The following TTN variants were observed in gnomAD, a reference collection of about 807,000 sequenced individuals.
TTN encodes the protein titin, also known as connectin.
Under a neutral mutation model 3,223.0 loss-of-function variants are expected in TTN, and 1,525 were observed. That is an observed-to-expected ratio of 0.47 (90% CI 0.45 to 0.49). The LOEUF is 0.49. TTN is among the 20% of genes least tolerant of loss of function. TTN has a pLI of 0.00. For missense variants in TTN, 40,786 were observed against 43,424.0 expected, an observed-to-expected ratio of 0.94 and a Z score of 5.40; for synonymous variants, 14,094 against 15,161.0, an observed-to-expected ratio of 0.93 and a Z score of 5.17.
At chr2:178,781,030 G>A (rs2154348844) in intron 21 of TTN, 91 bp downstream of exon 21, 1 of 1,561,874 alleles carries the variant, frequency 6.4e-7, no homozygotes, top group Non-Finnish European at 8.8e-7. Flanking sequence ...GAACCAGTAA[G>A]TGGCAACAGG....
In TTN at chr2:178,666,920, T is replaced by C. The variant is rs2066044859; in HGVS notation, c.35798-19A>G. On this transcript the variant is annotated intron_variant, in intron 162 of 362. Coordinates refer to ENST00000589042, the MANE Select transcript of TTN (RefSeq NM_001267550.2). ...TCAAACTCTTTAAAGATATTAGTAT[T>C]TTTTTTAATTGAGAAAAGGCAAAGG... The C allele has an allele frequency of 1.3e-6, 2 of 1,507,684 alleles. No individual in the cohort carries two copies. Among genetic ancestry groups the C allele is most frequent in the Middle Eastern group, 1.8e-4 (1 of 5,546 alleles). 93.4% of individuals were successfully genotyped at this position (1,507,684 alleles called of 1,614,324 possible).
rs758807133 is a variant in TTN at position 178,559,724 on chromosome 2, G to A, written c.86408C>T (p.Thr28803Ile). 7.5e-6 allele frequency: 12 copies of A among 1,601,028 alleles called. No homozygotes were observed. Among genetic ancestry groups the A allele is most frequent in the Admixed American group, 1.7e-5 (1 of 59,254 alleles). Reference protein sequence around the residue: ...TDLRTRAYVDTTDSRTSLTIE... With the variant: ...TDLRTRAYVDITDSRTSLTIE... Reference sequence around the variant, plus strand: ...GGTCAGTGATGTACGAGAGTCTGTGGTATCAACATAAGCTCTAGTACGGAG... The same window carrying A: ...GGTCAGTGATGTACGAGAGTCTGTGATATCAACATAAGCTCTAGTACGGAG... The change falls in exon 326 of 363, where the codon ACC becomes ATC. Residue 28803 changes from threonine to isoleucine, a missense_variant. By Grantham distance (89) the Thr-to-Ile change is moderately conservative (BLOSUM62 -1). Coordinates refer to ENST00000589042, the MANE Select transcript of TTN (RefSeq NM_001267550.2).
At chr2:178,604,375 T>C in intron 281 of TTN, 70 bp from the exon 282 acceptor site, 1 of 1,265,768 alleles carries the variant, frequency 7.9e-7, no homozygotes, top group Non-Finnish European at 1.0e-6. Context: ...ATTTAAAAAT[T>C]CAACTTATTT....
Position 178,790,714 on chromosome 2 carries a change from A to G in TTN, c.1794T>C (p.Tyr598=), listed in dbSNP as rs1246963613. 1.2e-6 allele frequency: 2 copies of G among 1,614,168 alleles called. No homozygotes were observed. The highest frequency in any genetic ancestry group is 1.7e-6 in the Non-Finnish European group (2 of 1,179,992). Residue 598 remains tyrosine (Y), a synonymous_variant, in exon 11 of 363, where the codon TAT becomes TAC. Transcript: ENST00000589042. ...ATTGGCAGGAAGTCATCACCTTTTC[A>G]TAACTTAGGTGCATTTGATCTTGTT... ...TTQQDQMHLS[Y]EKIMKETRKT...
At position 178,739,375 on chromosome 2, in the gene TTN, C is replaced by G. The variant is rs905994651; in HGVS notation, c.13858G>C (p.Gly4620Arg). ...TPLVDTVSEE[G>R]DIVHLTTSIT... Reference sequence around the variant, plus strand: ...GATGTTGTGAGGTGTACAATATCACCTTCCTCAGAAACAGTGTCCACTAAA... The same window carrying G: ...GATGTTGTGAGGTGTACAATATCACGTTCCTCAGAAACAGTGTCCACTAAA... Residue 4620 changes from glycine (G) to arginine (R), a missense_variant, in exon 48 of 363, where the codon GGT (glycine) becomes CGT (arginine). By Grantham distance (125) the Gly-to-Arg change is moderately radical. Coordinates refer to ENST00000589042, the MANE Select transcript of TTN (RefSeq NM_001267550.2). 1 of 1,613,744 alleles carries G rather than the reference C, an allele frequency of 6.2e-7. No individual in the cohort carries two copies. Among genetic ancestry groups the G allele is most frequent in the African/African-American group, 1.3e-5 (1 of 74,918 alleles).
chr2:178,633,774 T>C (rs1371984288), intron 231 of TTN, 43 bp downstream of exon 231: 1 of 1,608,112 alleles, frequency 6.2e-7, no homozygotes, highest in Admixed American at 1.7e-5. Flanking sequence ...CCCACTCCCA[T>C]GATTCAGAAA....
In TTN at chr2:178,563,065, T is replaced by G; in HGVS notation, c.83067A>C (p.Ala27689=). 6.2e-7 allele frequency: 1 copy of G among 1,613,672 alleles called. No homozygotes were observed. Among genetic ancestry groups the G allele is most frequent in the South Asian group, 1.1e-5 (1 of 91,082 alleles). The change falls in exon 326 of 363, where the codon GCA becomes GCC. Residue 27689 remains alanine (A), a synonymous_variant. Transcript: ENST00000589042. This position sits in a 1 kb window ranked among gnomAD's most constrained non-coding sequence, Gnocchi z 4.5. Reference sequence around the variant, plus strand: ...TGACAAATAAGCGTAAAGTAGCACTTGCACGCAGAACGACCACCTTTCTGA... The same window carrying G: ...TGACAAATAAGCGTAAAGTAGCACTGGCACGCAGAACGACCACCTTTCTGA... ...ADLRKVVVLR[A]SATLRLFVTI...
rs1393193180 is a variant in TTN at position 178,775,937 on chromosome 2, A to G, written c.5927T>C (p.Val1976Ala). The stretch of plus-strand genomic sequence containing the variant: ...TCTTTCAGCCCTTTTCAACTTCACA[A>G]CTTCTTTGGTTTCAGTGGTGTCAAC... ...RPVDTTETKE[V>A]VKLKRAERIT... The change falls in exon 28 of 363, where the codon GTT (valine) becomes GCT (alanine). Residue 1976 changes from valine (V) to alanine (A), a missense_variant. By Grantham distance (64) the Val-to-Ala change is moderately conservative. Coordinates refer to ENST00000589042, the MANE Select transcript of TTN (RefSeq NM_001267550.2). 7.4e-6 allele frequency: 12 copies of G among 1,613,808 alleles called. No homozygotes were observed. Among genetic ancestry groups the G allele is most frequent in the Non-Finnish European group, 1.0e-5 (12 of 1,179,982 alleles).
In TTN at chr2:178,603,953, C is replaced by T; in HGVS notation, c.54734G>A (p.Arg18245Lys). The change falls in exon 282 of 363, where the codon AGA (arginine) becomes AAA (lysine). Residue 18245 changes from arginine to lysine, a missense_variant. Transcript: ENST00000589042. ...TCCTGCAGCATTTATTGCCATGGCT[C>T]TGAACTGGTATTTAACGCCTTCAAG... ...RLLEGVKYQF[R>K]AMAINAAGIG... 3 of 1,612,632 alleles carry T rather than the reference C, an allele frequency of 1.9e-6. No individual in the cohort carries two copies. The highest frequency in any genetic ancestry group is 1.1e-5 in the South Asian group (1 of 91,002).
Position 178,775,871 on chromosome 2 carries a change from C to T in TTN, c.5993G>A (p.Arg1998His), listed in dbSNP as rs144135510. The change falls in exon 28 of 363, where the codon CGC (arginine) becomes CAC (histidine). Residue 1998 changes from arginine (R) to histidine (H), a missense_variant. Physicochemically the swap from Arg to His is conservative, Grantham distance 29. Transcript: ENST00000589042. ...EKVPEESEELRSKFKRRTEEG... is the reference protein window; with the variant it reads ...EKVPEESEELHSKFKRRTEEG... ...TTCTGTTCTGCGCTTGAATTTACTGCGCAGCTCTTCCGACTCTTCAGGCAC... is the reference window on the plus strand; with the variant it reads ...TTCTGTTCTGCGCTTGAATTTACTGTGCAGCTCTTCCGACTCTTCAGGCAC... 1,482 of 1,614,130 alleles carry T rather than the reference C, an allele frequency of 9.2e-4. 15 individuals carry two copies. The highest frequency in any genetic ancestry group is 7.7e-3 in the South Asian group (704 of 91,078).
intron 41 of TTN, among the ~76,000 whole-genome samples, chr2:178,765,032 G>T (rs2090115204): frequency 6.6e-6 from 1 of 152,154 alleles, no homozygotes; most frequent in Non-Finnish European, 1.5e-5. Context: ...GCTTCAGAAA[G>T]ATATTTTTGA....
chr2:178,739,304 C>A lies in TTN; in HGVS notation c.13929G>T (p.Leu4643=). ...ACTTGAACTTTTCATCTGAAGGCAC[C>A]AGTTTATTCTCAAAATACCAATTCA... ...KEVNWYFENK[L]VPSDEKFKCL... is the part of the protein sequence containing the mutation. Residue 4643 remains leucine, a synonymous_variant, in exon 48 of 363, where the codon CTG becomes CTT. Transcript: ENST00000589042. The A allele has an allele frequency of 6.2e-7, 1 of 1,613,240 alleles. No homozygotes were observed. Among genetic ancestry groups the A allele is most frequent in the Non-Finnish European group, 8.5e-7 (1 of 1,179,492 alleles).
At chr2:178,726,111 T>G (rs1174090878) in intron 69 of TTN, 65 bp from the exon 70 acceptor site, 5 of 1,484,218 alleles carry the variant, frequency 3.4e-6, no homozygotes, top group Non-Finnish European at 4.5e-6. Context: ...AATTTTTTAT[T>G]TGTCTTTAAA....
Position 178,582,286 on chromosome 2 carries a change from A to G in TTN, c.66160+10T>C. 6.3e-7 allele frequency: 1 copy of G among 1,579,386 alleles called. No homozygotes were observed. Among genetic ancestry groups the G allele is most frequent in the Non-Finnish European group, 8.6e-7 (1 of 1,168,726 alleles). On this transcript the variant is annotated intron_variant, in intron 314 of 362. Coordinates refer to ENST00000589042, the MANE Select transcript of TTN (RefSeq NM_001267550.2). The stretch of plus-strand genomic sequence containing the variant: ...AAATAAAATGAAAAACCACCGGGAA[A>G]TGTTCCTACCATATGGGTTTTTGGC...
Position 178,666,749 on chromosome 2 carries a change from A to T in TTN, c.35875+75T>A. The T allele has an allele frequency of 2.3e-6, 3 of 1,289,164 alleles. No individual in the cohort carries two copies. The South Asian group carries it at 4.5e-5, about 19-fold the overall frequency. The allele number at this position is 1,289,164 out of a possible 1,614,324, so 79.9% of individuals were successfully genotyped here. On this transcript the variant is annotated intron_variant, in intron 163 of 362. Transcript: ENST00000589042. ...CACTGTAGCCACTTTGGCTTAAAAG[A>T]TATTAGTATTTTTACATGTGTTAAG... is the stretch of plus-strand genomic sequence containing the variant.
In TTN at chr2:178,537,601, C is replaced by T. The variant is rs1222365557; in HGVS notation, c.99606G>A (p.Leu33202=). 1.2e-6 allele frequency: 2 copies of T among 1,613,660 alleles called. No homozygotes were observed. The highest frequency in any genetic ancestry group is 1.7e-6 in the Non-Finnish European group (2 of 1,179,682). ...CCACAGCTCCATAATATTTCTCTTT[C>T]AGTGGGTAACCAGGATGGAACTGCG... ...ATPQFHPGYP[L]KEKYYGAVGS... Residue 33202 remains leucine, a synonymous_variant, in exon 355 of 363, where the codon CTG becomes CTA. Transcript: ENST00000589042.
At position 178,632,300 on chromosome 2, in the gene TTN, T is replaced by G; in HGVS notation, c.43594A>C (p.Asn14532His). ...CTGGTGGTGTGTAGGCGCTGGTCATTCTTGAACCATTTAACTCGGATGTTA... is the reference window on the plus strand; with the variant it reads ...CTGGTGGTGTGTAGGCGCTGGTCATGCTTGAACCATTTAACTCGGATGTTA... ...HDNIRVKWFK[N>H]DQRLHTTRSV... Residue 14532 changes from asparagine (N) to histidine (H), a missense_variant, in exon 236 of 363, where the codon AAT becomes CAT. Coordinates refer to ENST00000589042, the MANE Select transcript of TTN (RefSeq NM_001267550.2). The G allele has an allele frequency of 1.2e-6, 2 of 1,609,528 alleles. No individual in the cohort carries two copies. The highest frequency in any genetic ancestry group is 1.7e-6 in the Non-Finnish European group (2 of 1,177,878).
In TTN at chr2:178,731,792, G is replaced by T; in HGVS notation, c.17083C>A (p.Gln5695Lys). 6.2e-7 allele frequency: 1 copy of T among 1,613,834 alleles called. No individual in the cohort carries two copies. Among genetic ancestry groups the T allele is most frequent in the Non-Finnish European group, 8.5e-7 (1 of 1,179,770 alleles). Residue 5695 changes from glutamine to lysine, a missense_variant, in exon 58 of 363, where the codon CAG (glutamine) becomes AAG (lysine). Gln to Lys is a moderately conservative substitution (Grantham distance 53, BLOSUM62 1). Transcript: ENST00000589042. ...TFIQDHLVSL[Q>K]ILKFVAADAG... ...TCTGCAGCTACAAACTTGAGGATCT[G>T]CAGGCTAACCAGATGATCCTGAATG...
In TTN at chr2:178,610,226, A is replaced by T. The variant is rs1327613762; in HGVS notation, c.51300T>A (p.Gly17100=). ...GRRTYIPVMS[G]ENKLSWTVKD... ...TCACAGTCCATGACAGTTTGTTCTC[A>T]CCAGACATGACTGGTATATATGTTC... Residue 17100 remains glycine, a synonymous_variant, in exon 271 of 363, where the codon GGT becomes GGA. Coordinates refer to ENST00000589042, the MANE Select transcript of TTN (RefSeq NM_001267550.2). The T allele has an allele frequency of 6.2e-7, 1 of 1,612,990 alleles. No individual in the cohort carries two copies. The highest frequency in any genetic ancestry group is 8.5e-7 in the Non-Finnish European group (1 of 1,179,274).
Sources: gnomAD v4.1 joint callset for allele counts (sites outside exome capture counted in the v4.1 genomes callset) on GRCh38, gnomAD v4.1.1 for gene constraint, Gnocchi (gnomAD v3.1) non-coding constraint, MANE v1.5 for transcripts, NCBI Gene and HGNC (gene_info 2026-07-23, HGNC 2026-07-21) for gene names.